The following TRHDE variants were observed in gnomAD, a reference collection of about 807,000 sequenced individuals.
TRHDE encodes the protein thyrotropin-releasing hormone-degrading ectoenzyme.
TRHDE carries 72 observed loss-of-function variants against 125.7 expected under a neutral mutation model. That is an observed-to-expected ratio of 0.57 (90% confidence interval 0.47 to 0.70). The LOEUF is 0.70. Ranked by LOEUF, TRHDE falls within the 30% of genes least tolerant of loss-of-function variation. The pLI, the probability that TRHDE is intolerant of heterozygous loss-of-function variation, is 0.00. For synonymous variants in TRHDE, 509 were observed against 509.1 expected (o/e 1.00, Z 0.00); for missense variants, 1,110 against 1,327.1 (o/e 0.84, Z 2.54).
Position 72,273,698 on chromosome 12 carries a change from G to C in TRHDE, c.914+141G>C. Reference sequence around the variant, plus strand: ...GGGGGAAGGAAACGAAAGCGGAGTAGGGCAGTCAGAACTCCGGGGTCTCCC... The same window carrying C: ...GGGGGAAGGAAACGAAAGCGGAGTACGGCAGTCAGAACTCCGGGGTCTCCC... On this transcript the variant is annotated intron_variant, in intron 1 of 18. Coordinates refer to ENST00000261180, the MANE Select transcript of TRHDE (RefSeq NM_013381.3). This position sits in a 1 kb window ranked among gnomAD's most constrained non-coding sequence, Gnocchi z 5.3. 2.5e-6 allele frequency: 2 copies of C among 796,802 alleles called. No individual in the cohort carries two copies. The highest frequency in any genetic ancestry group is 3.6e-5 in the South Asian group (2 of 56,058). The allele number at this position is 796,802 out of a possible 1,614,324, so 49.4% of individuals were successfully genotyped here.
At chr12:72,592,264 G>C (rs1426612473) in intron 12 of TRHDE, among the ~76,000 whole-genome samples, 1 of 151,966 alleles carries the variant, frequency 6.6e-6, no homozygotes, top group Non-Finnish European at 1.5e-5. Context: ...CAGTGAAACT[G>C]TATTTTTTAG....
intron 2 of TRHDE, among the ~76,000 whole-genome samples, chr12:72,126,442 T>A (rs1469929997): frequency 6.6e-6 from 1 of 152,142 alleles, no homozygotes; most frequent in East Asian, 1.9e-4. Flanking sequence ...GGCATCACAT[T>A]ATCCAACTTC....
At chr12:72,473,840 G>A (rs1443867228) in intron 5 of TRHDE, among the ~76,000 whole-genome samples, 3 of 151,990 alleles carry the variant, frequency 2.0e-5, no homozygotes. Context: ...ATATGTGACA[G>A]TGTGATTATT....
At chr12:72,516,591 C>A (rs529718000) in intron 6 of TRHDE, among the ~76,000 whole-genome samples, 39 of 152,270 alleles carry the variant, frequency 2.6e-4, no homozygotes, top group African/African-American at 9.4e-4. Flanking sequence ...TGTCTGCAAA[C>A]AGGGATAATT....
At chr12:72,389,441 C>A (rs1368452714) in intron 3 of TRHDE, among the ~76,000 whole-genome samples, 1 of 152,158 alleles carries the variant, frequency 6.6e-6, no homozygotes, top group African/African-American at 2.4e-5. Context: ...GTCCTAGTCA[C>A]CTTGGGCTGC....
intron 3 of TRHDE, among the ~76,000 whole-genome samples, chr12:72,454,937 A>G (rs1381420327): frequency 1.3e-5 from 2 of 151,978 alleles, no homozygotes; most frequent in Non-Finnish European, 2.9e-5. Context: ...TTCAAGATTT[A>G]TTTGCTTCCA....
chr12:72,231,327 T>C (rs918995628), intron 2 of TRHDE, among the ~76,000 whole-genome samples: 1 of 152,140 alleles, frequency 6.6e-6, no homozygotes, highest in Non-Finnish European at 1.5e-5. Flanking sequence ...CAAATCACAG[T>C]CTAATGTGCC....
intron 15 of TRHDE, among the ~76,000 whole-genome samples, chr12:72,639,992 C>T (rs1216989776): frequency 6.6e-6 from 1 of 152,122 alleles, no homozygotes; most frequent in Admixed American, 6.5e-5. Flanking sequence ...GTGGAGCCTA[C>T]AGAGGCAGGC....
At chr12:72,496,431 G>A (rs1457704250) in intron 5 of TRHDE, among the ~76,000 whole-genome samples, 1 of 152,160 alleles carries the variant, frequency 6.6e-6, no homozygotes, top group Non-Finnish European at 1.5e-5. Context: ...ATGGCGGCAG[G>A]CAAGTGAGCC....
intron 6 of TRHDE, among the ~76,000 whole-genome samples, chr12:72,523,804 C>T (rs778542307): frequency 4.7e-4 from 72 of 152,286 alleles, no homozygotes; most frequent in Admixed American, 7.8e-4. Flanking sequence ...TGATACACCA[C>T]TGTCAGAAGA....
chr12:72,562,998 A>T lies in TRHDE; in HGVS notation c.2000A>T (p.Asp667Val). 1 of 1,607,968 alleles carries T rather than the reference A, an allele frequency of 6.2e-7. No homozygotes were observed. Residue 667 changes from aspartate (D) to valine (V), a missense_variant, in exon 9 of 19, where the codon GAT (aspartate) becomes GTT (valine). Transcript: ENST00000261180. ...ATTACCCAACAGCATTTTATCTATGATATCAGTGCTAAAACTAAAGCACTT... is the reference window on the plus strand; with the variant it reads ...ATTACCCAACAGCATTTTATCTATGTTATCAGTGCTAAAACTAAAGCACTT... ...IIITQQHFIY[D>V]ISAKTKALKL...
At chr12:72,485,736 T>C (rs1256564162) in intron 5 of TRHDE, among the ~76,000 whole-genome samples, 9 of 152,330 alleles carry the variant, frequency 5.9e-5, no homozygotes, top group Admixed American at 6.5e-5. Flanking sequence ...CCACATTTTA[T>C]GGGGCTGAGA....
chr12:72,522,909 C>T (rs537765353), intron 6 of TRHDE, among the ~76,000 whole-genome samples: 7 of 152,230 alleles, frequency 4.6e-5, no homozygotes, highest in African/African-American at 1.2e-4. Flanking sequence ...CACAGTCTGA[C>T]GGACCATTGA....
intron 6 of TRHDE, among the ~76,000 whole-genome samples, chr12:72,540,658 T>C (rs551195814): frequency 2.0e-4 from 30 of 151,488 alleles, no homozygotes; most frequent in Non-Finnish European, 3.5e-4. Context: ...TACTGGGAAA[T>C]ATATAGGAGG....
At chr12:72,206,080 G>A (rs905071691) in intron 2 of TRHDE, among the ~76,000 whole-genome samples, 2 of 150,798 alleles carry the variant, frequency 1.3e-5, no homozygotes, top group Non-Finnish European at 2.9e-5. Context: ...TTATGCCAAA[G>A]GACAGATTTT....
intron 15 of TRHDE, among the ~76,000 whole-genome samples, chr12:72,629,060 G>C (rs1317238192): frequency 6.6e-6 from 1 of 151,648 alleles, no homozygotes; most frequent in Non-Finnish European, 1.5e-5. Flanking sequence ...GACTTTAATT[G>C]CTTCTACAGC....
intron 3 of TRHDE, among the ~76,000 whole-genome samples, chr12:72,422,264 G>C (rs1457004762): frequency 1.3e-5 from 2 of 152,090 alleles, no homozygotes; most frequent in Non-Finnish European, 2.9e-5. Context: ...TTGAAAATTG[G>C]TTAACTTGCA....
At chr12:72,475,694 C>T (rs941620298) in intron 5 of TRHDE, among the ~76,000 whole-genome samples, 1 of 152,100 alleles carries the variant, frequency 6.6e-6, no homozygotes, top group African/African-American at 2.4e-5. Flanking sequence ...ACAGACCATG[C>T]ATTAGGAGTA....
At chr12:72,647,444 G>A (rs938835298) in intron 15 of TRHDE, among the ~76,000 whole-genome samples, 1 of 151,564 alleles carries the variant, frequency 6.6e-6, no homozygotes, top group African/African-American at 2.4e-5. Context: ...GTTAGCAAAA[G>A]GGAGGAAATA....
Sources: gnomAD v4.1 joint callset for allele counts (sites outside exome capture counted in the v4.1 genomes callset) on GRCh38, gnomAD v4.1.1 for gene constraint, Gnocchi (gnomAD v3.1) non-coding constraint, MANE v1.5 for transcripts, NCBI Gene and HGNC (gene_info 2026-07-23, HGNC 2026-07-21) for gene names.